TTC39C: variants seen among roughly 807,000 people sequenced by gnomAD.
TTC39C encodes tetratricopeptide repeat protein 39C.
In TTC39C, 33 loss-of-function variants were observed where a neutral mutation model predicts 76.3. The observed-to-expected ratio is 0.43, with a 90% CI of 0.33 to 0.58. TTC39C has a LOEUF of 0.58. Among genes scored for constraint, TTC39C ranks in the 20% least tolerant of loss-of-function variants. The pLI, the probability that TTC39C is intolerant of heterozygous loss-of-function variation, is 0.04. For missense variants in TTC39C, 595 were observed against 701.4 expected, an observed-to-expected ratio of 0.85 and a Z score of 1.71; for synonymous variants, 254 against 260.6, an observed-to-expected ratio of 0.97 and a Z score of 0.24.
chr18:24,116,271 G>A (rs1446625681), intron 7 of TTC39C, among the ~76,000 whole-genome samples: 4 of 152,226 alleles, frequency 2.6e-5, no homozygotes, highest in Admixed American at 6.5e-5. Context: ...GGCCGGGCAC[G>A]GTGGCCCACG....
chr18:24,082,629 T>A (rs2084390992), intron 5 of TTC39C, among the ~76,000 whole-genome samples: 1 of 152,234 alleles, frequency 6.6e-6, no homozygotes, highest in African/African-American at 2.4e-5. Flanking sequence ...AGCCATCTCT[T>A]CAGCGATCCA....
chr18:24,116,086 C>CT (rs1482545808), intron 7 of TTC39C, among the ~76,000 whole-genome samples: 1 of 152,190 alleles, frequency 6.6e-6, no homozygotes, highest in Admixed American at 6.5e-5. Flanking sequence ...GTACTTTTTC[C>CT]TGAGTTATTC....
Position 24,119,912 on chromosome 18 carries a change from T to G in TTC39C, c.1186+1680T>G, listed in dbSNP as rs12607586. 1.1e-3 allele frequency among the ~76,000 whole-genome samples: 166 copies of G among 152,244 alleles called. 2 individuals carry two copies. In the East Asian group the frequency reaches 0.031, roughly 28 times the overall value. On this transcript the variant is annotated intron_variant, in intron 8 of 13. Transcript: ENST00000317571. ...CAGCTATTTATTTTTTCATCTTTGT[T>G]GAGTTTCAAATACATAAATGTACAG...
intron 6 of TTC39C, among the ~76,000 whole-genome samples, chr18:24,091,314 C>T (rs954458196): frequency 4.6e-5 from 7 of 152,120 alleles, no homozygotes; most frequent in African/African-American, 1.7e-4. Flanking sequence ...TGGTAGTGCA[C>T]ATCTGTAGGC....
At chr18:24,025,530 G>T (rs2083588728) in intron 1 of TTC39C, among the ~76,000 whole-genome samples, 1 of 152,164 alleles carries the variant, frequency 6.6e-6, no homozygotes, top group Admixed American at 6.5e-5. Context: ...ATAAATGGAG[G>T]TAGATTCTAG....
chr18:23,993,607 T>A (rs2083236982), intron 1 of TTC39C, among the ~76,000 whole-genome samples: 1 of 152,216 alleles, frequency 6.6e-6, no homozygotes, highest in Admixed American at 6.5e-5. Context: ...AATGTAGGCC[T>A]CCAGCTGTGA....
intron 1 of TTC39C, among the ~76,000 whole-genome samples, chr18:24,062,030 G>C (rs2084107955): frequency 6.6e-6 from 1 of 152,252 alleles, no homozygotes; most frequent in African/African-American, 2.4e-5. Flanking sequence ...ATGCACCCGG[G>C]TGCTGTGGGG....
chr18:24,023,954 A>G lies in TTC39C; in HGVS notation c.167+8916A>G, dbSNP rs56181681. Among the ~76,000 whole-genome samples the G allele has an allele frequency of 9.7e-3, 114 of 11,794 alleles. 4 individuals carry two copies. The highest frequency in any genetic ancestry group is 0.016 in the African/African-American group (109 of 6,752). The allele number at this position is 11,794 out of a possible 152,430, so 7.7% of individuals were successfully genotyped here. On this transcript the variant is annotated intron_variant, in intron 1 of 13. Coordinates refer to ENST00000317571, the MANE Select transcript of TTC39C (RefSeq NM_001135993.2). ...ATTACATATATATATATGCATGTAT[A>G]TATATATATATATATATATATATAT...
chr18:24,105,062 GA>G (rs962709159), intron 6 of TTC39C, among the ~76,000 whole-genome samples: 70 of 144,504 alleles, frequency 4.8e-4, no homozygotes, highest in Middle Eastern at 3.5e-3. Flanking sequence ...TTCAAAAAAA[GA>G]AAAAAAAAAC....
chr18:24,067,876 T>C (rs2084186254), intron 3 of TTC39C, among the ~76,000 whole-genome samples: 1 of 152,192 alleles, frequency 6.6e-6, no homozygotes, highest in African/African-American at 2.4e-5. Context: ...GACTTGGCGT[T>C]TACGTTTCCT....
Position 24,130,340 on chromosome 18 carries a change from T to C in TTC39C, c.1546T>C (p.Leu516=). The change falls in exon 12 of 14, where the codon TTG becomes CTG. Residue 516 remains leucine (L), a synonymous_variant. Coordinates refer to ENST00000317571, the MANE Select transcript of TTC39C (RefSeq NM_001135993.2). ...QYFQRAVKDE[L]CRQNNLYVQP... is the part of the protein sequence containing the mutation. ...CTTCCAGCGAGCTGTTAAAGATGAA[T>C]TGTGTCGTCAGAATAACTTATATGT... is the stretch of plus-strand genomic sequence containing the variant. 6.3e-7 allele frequency: 1 copy of C among 1,588,888 alleles called. No individual in the cohort carries two copies. Among genetic ancestry groups the C allele is most frequent in the African/African-American group, 1.4e-5 (1 of 73,632 alleles).
Position 24,080,952 on chromosome 18 carries a change from A to C in TTC39C, c.815+13A>C. On this transcript the variant is annotated intron_variant, in intron 5 of 13. Transcript: ENST00000317571. ...CCCCTTTAGCTACGTGAGTAGCTGT[A>C]TTGCAATGCTTTGGTAGATAATATA... 6.3e-7 allele frequency: 1 copy of C among 1,594,776 alleles called. No individual in the cohort carries two copies. The highest frequency in any genetic ancestry group is 1.1e-5 in the South Asian group (1 of 88,768).
chr18:24,067,615 T>G, intron 3 of TTC39C, among the ~76,000 whole-genome samples: 1 of 152,150 alleles, frequency 6.6e-6, no homozygotes, highest in East Asian at 1.9e-4. Flanking sequence ...AACTAACGCC[T>G]GATGACGTGA....
rs369918334 is a variant in TTC39C at position 24,132,602 on chromosome 18, C to T, written c.*28C>T. ...GACCCGGAACACCCGCTCCGTCCCT[C>T]CCCACCCAGGGTCCGCACTTTAAAA... On this transcript the variant is annotated 3_prime_UTR_variant, in exon 14 of 14. Coordinates refer to ENST00000317571, the MANE Select transcript of TTC39C (RefSeq NM_001135993.2). 19 of 1,590,378 alleles carry T rather than the reference C, an allele frequency of 1.2e-5. No individual in the cohort carries two copies. The East Asian group carries it at 3.8e-4, about 32-fold the overall frequency.
intron 3 of TTC39C, among the ~76,000 whole-genome samples, chr18:24,067,898 A>T (rs2084186804): frequency 2.6e-5 from 4 of 152,018 alleles, no homozygotes. Context: ...TGCCTGGAAC[A>T]TTCTCCTCCC....
intron 6 of TTC39C, among the ~76,000 whole-genome samples, chr18:24,096,004 A>G (rs376822760): frequency 1.9e-4 from 29 of 152,360 alleles, no homozygotes; most frequent in African/African-American, 7.0e-4. Context: ...CACAACATTT[A>G]TCAACTAAGT....
At chr18:24,019,797 G>T in intron 1 of TTC39C, 1 of 1,326,454 alleles carries the variant, frequency 7.5e-7, no homozygotes, top group South Asian at 1.4e-5. Flanking sequence ...CTGCAGAAAT[G>T]AGTAGTGTCA....
Position 24,132,604 on chromosome 18 carries a change from C to G in TTC39C, c.*30C>G. ...CCCGGAACACCCGCTCCGTCCCTCC[C>G]CACCCAGGGTCCGCACTTTAAAATA... is the stretch of plus-strand genomic sequence containing the variant. On this transcript the variant is annotated 3_prime_UTR_variant, in exon 14 of 14. Transcript: ENST00000317571. The G allele has an allele frequency of 6.3e-7, 1 of 1,585,396 alleles. No individual in the cohort carries two copies. Among genetic ancestry groups the G allele is most frequent in the South Asian group, 1.1e-5 (1 of 89,324 alleles).
At chr18:24,050,568 A>G (rs2083935139) in intron 1 of TTC39C, among the ~76,000 whole-genome samples, 1 of 148,492 alleles carries the variant, frequency 6.7e-6, no homozygotes, top group East Asian at 2.0e-4. Context: ...TGTCTCAAAA[A>G]AAAAAAAAAA....
Sources: allele counts gnomAD v4.1 joint callset (sites outside exome capture counted in the v4.1 genomes callset), GRCh38; gene constraint gnomAD v4.1.1; transcripts MANE v1.5; gene names NCBI Gene and HGNC (gene_info 2026-07-23, HGNC 2026-07-21).